LTA4H: variants seen among roughly 807,000 people sequenced by gnomAD.
The protein encoded by LTA4H is leukotriene A4 hydrolase.
Under a neutral mutation model 89.8 loss-of-function variants are expected in LTA4H, and 59 were observed. The ratio of observed to expected loss-of-function variants is 0.66; its 90% confidence interval spans 0.53 to 0.82. LTA4H has a LOEUF of 0.82. Ranked by LOEUF, LTA4H falls within the 40% of genes least tolerant of loss-of-function variation. The pLI is 0.00. For synonymous variants in LTA4H, 227 were observed against 253.1 expected, an observed-to-expected ratio of 0.90 and a Z score of 0.98; for missense variants, 617 against 727.0, an observed-to-expected ratio of 0.85 and a Z score of 1.74.
At chr12:96,035,681 G>C, upstream of LTA4H, 2 of 1,423,264 alleles carry the variant, frequency 1.4e-6, no homozygotes. Context: ...CGAGCGTTGG[G>C]GGATGGGTGA....
intron 1 of LTA4H, among the ~76,000 whole-genome samples, chr12:96,031,150 G>C (rs1950567180): frequency 6.6e-6 from 1 of 152,044 alleles, no homozygotes. Context: ...TATAGCTCTT[G>C]GCCCTACCCT....
chr12:96,019,370 G>A (rs1950423972), intron 6 of LTA4H, 130 bp from the exon 7 acceptor site: 2 of 719,680 alleles, frequency 2.8e-6, no homozygotes, highest in Admixed American at 2.8e-5. Context: ...TATGGGAAAG[G>A]GATGAGGTTA....
Position 96,017,099 on chromosome 12 carries a change from T to C in LTA4H, c.892A>G (p.Ile298Val). ...AGATTCCCTGTCCAGCTATGAGATA[T>C]TTCATGTGCAATGACCTAAAGAAAA... ...KSLSNVIAHE[I>V]SHSWTGNLVT... Residue 298 changes from isoleucine (I) to valine (V), a missense_variant, in exon 10 of 19, where the codon ATA (isoleucine) becomes GTA (valine). Ile to Val is a conservative substitution (Grantham distance 29). Around this residue, in one of 3 missense-constraint regions of LTA4H, gnomAD observed 172 missense variants for 244.5 expected, o/e 0.70. Coordinates refer to ENST00000228740, the MANE Select transcript of LTA4H (RefSeq NM_000895.3). 1.2e-6 allele frequency: 2 copies of C among 1,610,514 alleles called. No individual in the cohort carries two copies. Among genetic ancestry groups the C allele is most frequent in the South Asian group, 1.1e-5 (1 of 90,966 alleles).
At chr12:96,027,373 T>G (rs1407753455) in intron 3 of LTA4H, 71 bp downstream of exon 3, 3 of 1,396,938 alleles carry the variant, frequency 2.1e-6, no homozygotes, top group Non-Finnish European at 2.9e-6. Context: ...AAAACCACTG[T>G]TCATTTTGCT....
In LTA4H at chr12:96,014,857, G is replaced by A. The variant is rs372000339; in HGVS notation, c.1202C>T (p.Pro401Leu). 8.7e-6 allele frequency: 14 copies of A among 1,603,544 alleles called. No individual in the cohort carries two copies. Among genetic ancestry groups the A allele is most frequent in the Non-Finnish European group, 1.1e-5 (13 of 1,176,892 alleles). ...LFYLEQLLGGPEIFLGFLKAY... is the reference protein window; with the variant it reads ...LFYLEQLLGGLEIFLGFLKAY... ...ATCATAAAATACCAACTACTTACCT[G>A]GTCCTCCAAGCAGTTGTTCAAGGTA... The change falls in exon 12 of 19, where the codon CCA becomes CTA. Residue 401 changes from proline (P) to leucine (L), a missense_variant and splice_region_variant. Pro to Leu is a moderately conservative substitution (Grantham distance 98). Transcript: ENST00000228740.
chr12:96,016,677 G>C (rs1313093393), intron 10 of LTA4H, among the ~76,000 whole-genome samples: 1 of 151,346 alleles, frequency 6.6e-6, no homozygotes, highest in African/African-American at 2.4e-5. Context: ...AAGGTGGGTG[G>C]ATTGCCTGAG....
intron 14 of LTA4H, chr12:96,012,966 T>A: frequency 2.1e-6 from 1 of 473,134 alleles, no homozygotes; most frequent in Non-Finnish European, 3.8e-6. Flanking sequence ...TCACCATCCT[T>A]GTGCAGAAAG....
intron 15 of LTA4H, 96 bp from the exon 16 acceptor site, chr12:96,006,505 C>T (rs1592867323): frequency 1.6e-6 from 1 of 615,722 alleles, no homozygotes; most frequent in Admixed American, 3.0e-5. Context: ...GAAAAAGAAC[C>T]ATATGAATGA....
chr12:96,031,642 G>C (rs1950574603), intron 1 of LTA4H, among the ~76,000 whole-genome samples: 2 of 152,118 alleles, frequency 1.3e-5, no homozygotes, highest in African/African-American at 4.8e-5. Flanking sequence ...CTGGTCAGTT[G>C]ACATGGAATA....
At chr12:96,004,836 C>T (rs979344701) in intron 16 of LTA4H, among the ~76,000 whole-genome samples, 3 of 152,124 alleles carry the variant, frequency 2.0e-5, no homozygotes, top group Non-Finnish European at 4.4e-5. Flanking sequence ...CCCTGACTTG[C>T]CCTAAGTTTT....
chr12:96,022,004 G>GA lies in LTA4H; in HGVS notation c.585+142dup, dbSNP rs570278442. The GA allele has an allele frequency of 1.4e-3, 857 of 600,262 alleles. No homozygotes were observed. Among genetic ancestry groups the GA allele is most frequent in the Middle Eastern group, 1.8e-3 (6 of 3,428 alleles). 37.2% of individuals were successfully genotyped at this position (600,262 alleles called of 1,614,324 possible). The stretch of plus-strand genomic sequence containing the variant: ...AACAAAACCCTTTAAAAGCACAAAA[G>GA]AAAAAAAAATGAAGAAAACAAAAAC... On this transcript the variant is annotated intron_variant, in intron 5 of 18. Coordinates refer to ENST00000228740, the MANE Select transcript of LTA4H (RefSeq NM_000895.3). This position sits in a 1 kb window ranked among gnomAD's most constrained non-coding sequence, Gnocchi z 4.0.
intron 15 of LTA4H, among the ~76,000 whole-genome samples, chr12:96,007,785 A>C (rs1016754078): frequency 1.3e-5 from 2 of 152,216 alleles, no homozygotes; most frequent in Non-Finnish European, 2.9e-5. Flanking sequence ...TACATTTTTC[A>C]AACTAAAACA....
chr12:96,015,591 G>A lies in LTA4H; in HGVS notation c.1051C>T (p.Gln351Ter), dbSNP rs1223145633. The change falls in exon 11 of 19, where the codon CAG (glutamine) becomes TAG (stop). Residue 351 changes from glutamine (Q) to a stop codon, truncating the protein, a stop_gained. Transcript: ENST00000228740. LOFTEE classifies it high-confidence loss of function. Reference sequence around the variant, plus strand: ...AACTTTGACTCCTTTACCGAATTCTGTAGTTCTCCCCATCCTCCCAGAGCA... The same window carrying A: ...AACTTTGACTCCTTTACCGAATTCTATAGTTCTCCCCATCCTCCCAGAGCA... ...FNALGGWGEL[Q>*]NSVKTFGETH... 2 of 1,610,342 alleles carry A rather than the reference G, an allele frequency of 1.2e-6. No individual in the cohort carries two copies. The highest frequency in any genetic ancestry group is 1.7e-5 in the Admixed American group (1 of 59,838).
At chr12:96,040,246 G>T (rs536780933), upstream of LTA4H, among the ~76,000 whole-genome samples, 5 of 152,322 alleles carry the variant, frequency 3.3e-5, no homozygotes, top group South Asian at 1.0e-3. Context: ...AAGGTACAAA[G>T]TCCTACAAGT....
intron 1 of LTA4H, 70 bp downstream of exon 1, chr12:96,035,291 C>T (rs902876273): frequency 9.5e-6 from 14 of 1,475,750 alleles, no homozygotes; most frequent in Non-Finnish European, 1.2e-5. Flanking sequence ...GATCCGGGAG[C>T]CCGCAAGGAC....
At chr12:96,009,286 A>G in intron 14 of LTA4H, 138 bp from the exon 15 acceptor site, 3 of 623,162 alleles carry the variant, frequency 4.8e-6, no homozygotes, top group Non-Finnish European at 8.4e-6. Flanking sequence ...AAAATAGGAA[A>G]TATTTTACCT....
chr12:96,040,297 C>A (rs73218108), upstream of LTA4H, among the ~76,000 whole-genome samples: 5,462 of 152,294 alleles, frequency 0.036, 271 homozygotes, highest in African/African-American at 0.11. Context: ...ATCTGCCTTT[C>A]TTCTTTCCTC....
chr12:96,015,688 ATTT>A lies in LTA4H; in HGVS notation c.951_953del (p.Leu317_Asn318delinsPhe). The A allele has an allele frequency of 6.3e-7, 1 of 1,581,424 alleles. No homozygotes were observed. The highest frequency in any genetic ancestry group is 1.7e-4 in the Middle Eastern group (1 of 5,998). Reference sequence around the variant, plus strand: ...GTTCCAAGTACACAGTATGTCCCTCATTTAACCTGAAAAAAAAATATTTTAATA... The same window carrying A: ...GTTCCAAGTACACAGTATGTCCCTCAAACCTGAAAAAAAAATATTTTAATA... On this transcript the variant is annotated inframe_deletion, in exon 11 of 19. Transcript: ENST00000228740.
Position 96,018,825 on chromosome 12 carries a change from G to A in LTA4H, c.790C>T (p.Pro264Ser), listed in dbSNP as rs1950416187. The A allele has an allele frequency of 6.2e-7, 1 of 1,606,268 alleles. No homozygotes were observed. The highest frequency in any genetic ancestry group is 1.1e-5 in the South Asian group (1 of 89,264). The change falls in exon 8 of 19, where the codon CCA becomes TCA. Residue 264 changes from proline to serine, a missense_variant. By Grantham distance (74) the Pro-to-Ser change is moderately conservative. Coordinates refer to ENST00000228740, the MANE Select transcript of LTA4H (RefSeq NM_000895.3). ...WGQYDLLVLP[P>S]SFPYGGMENP... ...TCCATGCCACCATAAGGGAAGGATG[G>A]TGGCAGGACCAATAGGTCATACTGT...
Sources: allele counts gnomAD v4.1 joint callset (sites outside exome capture counted in the v4.1 genomes callset), GRCh38; gene constraint gnomAD v4.1.1; regional missense constraint gnomAD v4.1.1; non-coding constraint Gnocchi (gnomAD v3.1); transcripts MANE v1.5; gene names NCBI Gene and HGNC (gene_info 2026-07-23, HGNC 2026-07-21).